The following PPM1L variants were observed in gnomAD, a reference collection of about 807,000 sequenced individuals.
PPM1L encodes the protein protein phosphatase, Mg2+/Mn2+ dependent 1L, also known as protein phosphatase 1L.
In PPM1L, 13 loss-of-function variants were observed where a neutral mutation model predicts 31.4. That is an observed-to-expected ratio of 0.41 (90% CI 0.27 to 0.66). PPM1L has a LOEUF of 0.66. PPM1L is among the 30% of genes least tolerant of loss of function. PPM1L has a pLI of 0.29. For missense variants in PPM1L, 326 were observed against 453.7 expected (o/e 0.72, Z 2.56); for synonymous variants, 184 against 175.4 (o/e 1.05, Z -0.39).
intron 1 of PPM1L, among the ~76,000 whole-genome samples, chr3:160,823,642 A>G (rs374727540): frequency 6.6e-6 from 1 of 152,112 alleles, no homozygotes; most frequent in Non-Finnish European, 1.5e-5. Flanking sequence ...AATAATGCTA[A>G]TTGTTACCAT....
chr3:160,884,519 T>G (rs1445854996), intron 1 of PPM1L, among the ~76,000 whole-genome samples: 2 of 152,228 alleles, frequency 1.3e-5, no homozygotes, highest in African/African-American at 2.4e-5. Context: ...CCAGTGGCAC[T>G]GATAGTTTTA....
intron 1 of PPM1L, among the ~76,000 whole-genome samples, chr3:160,909,483 A>G (rs1258251467): frequency 6.6e-6 from 1 of 152,352 alleles, no homozygotes; most frequent in East Asian, 1.9e-4. Context: ...GGTCTAATGT[A>G]GATGTCCATT....
At chr3:160,876,776 G>A (rs2108034107) in intron 1 of PPM1L, among the ~76,000 whole-genome samples, 2 of 152,340 alleles carry the variant, frequency 1.3e-5, no homozygotes, top group South Asian at 4.1e-4. Flanking sequence ...CATATTGTGG[G>A]TGGCCACGTG....
chr3:160,880,317 A>G (rs959664804), intron 1 of PPM1L, among the ~76,000 whole-genome samples: 2 of 152,186 alleles, frequency 1.3e-5, no homozygotes, highest in Non-Finnish European at 2.9e-5. Flanking sequence ...CAACCAATTA[A>G]GTTAAAATTA....
intron 1 of PPM1L, among the ~76,000 whole-genome samples, chr3:160,877,555 T>TA (rs11426778): frequency 0.75 from 113,844 of 152,012 alleles, 43,021 homozygotes; most frequent in Middle Eastern, 0.83. Context: ...GCCAAGGAAA[T>TA]AGAGTATGCG....
intron 1 of PPM1L, among the ~76,000 whole-genome samples, chr3:160,790,739 A>G (rs1712080635): frequency 6.6e-6 from 1 of 152,130 alleles, no homozygotes; most frequent in African/African-American, 2.4e-5. Context: ...CAGGCAGCAG[A>G]GAAGTCACAG....
chr3:160,841,182 T>TA (rs1169123523), intron 1 of PPM1L, among the ~76,000 whole-genome samples: 3 of 152,146 alleles, frequency 2.0e-5, no homozygotes, highest in East Asian at 1.9e-4. Context: ...TTTTTTTTTT[T>TA]ATCTATATAT....
intron 1 of PPM1L, among the ~76,000 whole-genome samples, chr3:160,870,443 A>G (rs1200897624): frequency 2.0e-5 from 3 of 152,240 alleles, no homozygotes; most frequent in Non-Finnish European, 2.9e-5. Flanking sequence ...CACTATAATA[A>G]TTAGGAGCCC....
At chr3:160,942,711 C>A (rs1315512267) in intron 1 of PPM1L, among the ~76,000 whole-genome samples, 2 of 152,104 alleles carry the variant, frequency 1.3e-5, no homozygotes, top group African/African-American at 4.8e-5. Context: ...TGTAACTTTT[C>A]ATAAGACAAA....
At chr3:160,961,597 G>A in intron 1 of PPM1L, 139 bp from the exon 2 acceptor site, 1 of 582,022 alleles carries the variant, frequency 1.7e-6, no homozygotes, top group Non-Finnish European at 2.8e-6. Flanking sequence ...TACTAAAAAT[G>A]ACGATGACAA....
At chr3:161,057,808 C>A (rs1719455816) in intron 2 of PPM1L, among the ~76,000 whole-genome samples, 1 of 151,908 alleles carries the variant, frequency 6.6e-6, no homozygotes, top group African/African-American at 2.4e-5. Context: ...AACACTGAAA[C>A]CTGATGTCAG....
chr3:160,804,851 A>T (rs1712549097), intron 1 of PPM1L, among the ~76,000 whole-genome samples: 1 of 152,196 alleles, frequency 6.6e-6, no homozygotes, highest in Non-Finnish European at 1.5e-5. Context: ...TGGAGGATGC[A>T]CATTTGTGGT....
At chr3:161,052,621 G>T (rs149324059) in intron 2 of PPM1L, among the ~76,000 whole-genome samples, 6 of 152,238 alleles carry the variant, frequency 3.9e-5, no homozygotes, top group African/African-American at 1.4e-4. Context: ...ATGGAAGAGG[G>T]TCATATACAT....
intron 2 of PPM1L, 75 bp from the exon 3 acceptor site, chr3:161,065,328 C>A (rs1287819261): frequency 2.1e-6 from 3 of 1,438,578 alleles, no homozygotes; most frequent in Non-Finnish European, 2.9e-6. Flanking sequence ...ACTGAAGAAT[C>A]CAGTTACCAC....
At chr3:160,951,699 T>C (rs539060995) in intron 1 of PPM1L, among the ~76,000 whole-genome samples, 18 of 152,308 alleles carry the variant, frequency 1.2e-4, no homozygotes, top group Admixed American at 8.5e-4. Flanking sequence ...ATAAAGTTAT[T>C]TGAGGTTCGT....
At chr3:160,976,906 C>T (rs1403976856) in intron 2 of PPM1L, among the ~76,000 whole-genome samples, 1 of 152,100 alleles carries the variant, frequency 6.6e-6, no homozygotes, top group Non-Finnish European at 1.5e-5. Context: ...TATTTCTTGC[C>T]TTCAGCTAGC....
At chr3:160,908,912 A>AT (rs1713857984) in intron 1 of PPM1L, among the ~76,000 whole-genome samples, 3 of 152,164 alleles carry the variant, frequency 2.0e-5, no homozygotes. Context: ...AATGGCATGA[A>AT]TAAGGCACAA....
chr3:160,946,898 C>T (rs1296453444), intron 1 of PPM1L, among the ~76,000 whole-genome samples: 4 of 152,110 alleles, frequency 2.6e-5, no homozygotes, highest in Non-Finnish European at 4.4e-5. Context: ...CCACAGTTCC[C>T]TTCATAAAAT....
Position 160,954,924 on chromosome 3 carries a change from TTTCCTTCCTTCCTTCCTTCCTTCC to T in PPM1L, c.400-6797_400-6774del, listed in dbSNP as rs796768427. Among the ~76,000 whole-genome samples the T allele has an allele frequency of 9.3e-5, 8 of 85,932 alleles. No homozygotes were observed. In the Admixed American group the frequency reaches 1.1e-3, roughly 12 times the overall value. 56.4% of individuals were successfully genotyped at this position (85,932 alleles called of 152,430 possible). A position where few individuals can be genotyped will look rare whatever the true frequency, so the allele number is the denominator to read the frequency against. On this transcript the variant is annotated intron_variant, in intron 1 of 3. Transcript: ENST00000498165. ...CCTTCCTTCCTTCCTTCCTTCCTTCTTTCCTTCCTTCCTTCCTTCCTTCCTTCCTTCCTTCCTTTCCTTTCCTTT... is the reference window on the plus strand; with the variant it reads ...CCTTCCTTCCTTCCTTCCTTCCTTCTTTCCTTCCTTCCTTTCCTTTCCTTT...
Sources: gnomAD v4.1 joint callset for allele counts (sites outside exome capture counted in the v4.1 genomes callset) on GRCh38, gnomAD v4.1.1 for gene constraint, MANE v1.5 for transcripts, NCBI Gene and HGNC (gene_info 2026-07-23, HGNC 2026-07-21) for gene names.